Variants in DDX4 observed in about 807,000 individuals in gnomAD.
The protein encoded by DDX4 is DEAD-box helicase 4.
DDX4 carries 25 observed loss-of-function variants against 100.0 expected under a neutral mutation model. That is an observed-to-expected ratio of 0.25 (90% CI 0.18 to 0.35). The LOEUF is 0.35. DDX4 is among the 10% of genes least tolerant of loss of function. The pLI is 1.00. For missense variants in DDX4, 635 were observed against 882.4 expected (o/e 0.72, Z 3.55); for synonymous variants, 259 against 275.7 (o/e 0.94, Z 0.60).
intron 7 of DDX4, among the ~76,000 whole-genome samples, chr5:55,770,683 G>A (rs1337256956): frequency 1.3e-5 from 2 of 152,174 alleles, no homozygotes; most frequent in East Asian, 1.9e-4. Context: ...GCCCTCCCTA[G>A]TGAAGGTAGG....
intron 8 of DDX4, 55 bp downstream of exon 8, chr5:55,780,120 T>A (rs1202099865): frequency 2.6e-5 from 42 of 1,588,510 alleles, no homozygotes; most frequent in Non-Finnish European, 3.5e-5. Flanking sequence ...AAGAAAATGA[T>A]TTAAAAAAAT....
chr5:55,793,212 T>C (rs567003342), intron 17 of DDX4, among the ~76,000 whole-genome samples: 2 of 152,314 alleles, frequency 1.3e-5, no homozygotes, highest in East Asian at 1.9e-4. Context: ...ATACCAATTA[T>C]TGGCAGATAT....
At chr5:55,744,983 C>T (rs1312711044) in intron 2 of DDX4, among the ~76,000 whole-genome samples, 1 of 152,090 alleles carries the variant, frequency 6.6e-6, no homozygotes, top group Non-Finnish European at 1.5e-5. Flanking sequence ...TGGGTTCAAG[C>T]GATTCTTCTG....
chr5:55,791,530 C>G (rs1015539213), intron 16 of DDX4, among the ~76,000 whole-genome samples: 1 of 151,982 alleles, frequency 6.6e-6, no homozygotes, highest in Non-Finnish European at 1.5e-5. Flanking sequence ...TGATTGTTCC[C>G]GAGTGATTAG....
At chr5:55,788,137 T>G in intron 15 of DDX4, 137 bp downstream of exon 15, 1 of 780,704 alleles carries the variant, frequency 1.3e-6, no homozygotes, top group Non-Finnish European at 1.9e-6. Flanking sequence ...TTATCTTGTT[T>G]ATGGAATCCT....
chr5:55,813,460 A>G (rs544576594), intron 18 of DDX4, among the ~76,000 whole-genome samples: 1 of 152,242 alleles, frequency 6.6e-6, no homozygotes, highest in East Asian at 1.9e-4. Context: ...AGAGAAGCTA[A>G]TTTTTTAAAT....
intron 10 of DDX4, among the ~76,000 whole-genome samples, chr5:55,782,786 G>T (rs1260473800): frequency 6.7e-6 from 1 of 149,798 alleles, no homozygotes; most frequent in East Asian, 2.0e-4. Flanking sequence ...TACTCTTAAA[G>T]TTTTTTCTTT....
chr5:55,780,811 G>A (rs1741866032), intron 8 of DDX4, among the ~76,000 whole-genome samples: 1 of 152,180 alleles, frequency 6.6e-6, no homozygotes, highest in African/African-American at 2.4e-5. Context: ...AATACATTTT[G>A]AGGAAGTAAT....
At chr5:55,813,313 GCAAAAAA>G (rs1171823857) in intron 18 of DDX4, among the ~76,000 whole-genome samples, 1 of 152,122 alleles carries the variant, frequency 6.6e-6, no homozygotes, top group Non-Finnish European at 1.5e-5. Flanking sequence ...GAGGTAGACA[GCAAAAAA>G]CATTTATAGA....
intron 6 of DDX4, chr5:55,767,030 GTTAC>G: frequency 1.4e-6 from 2 of 1,479,766 alleles, no homozygotes; most frequent in Non-Finnish European, 1.8e-6. Context: ...CTCTGGGAAT[GTTAC>G]TTACTAATAT....
chr5:55,767,700 G>A (rs1296936286), intron 6 of DDX4, among the ~76,000 whole-genome samples, 181 bp from the exon 7 acceptor site: 2 of 152,114 alleles, frequency 1.3e-5, no homozygotes, highest in Non-Finnish European at 2.9e-5. Context: ...TTTGTATAGG[G>A]AATCGACTCT....
chr5:55,738,730 G>C (rs142176569), intron 1 of DDX4, among the ~76,000 whole-genome samples: 278 of 152,240 alleles, frequency 1.8e-3, no homozygotes, highest in African/African-American at 4.7e-3. Context: ...AGAATGACTA[G>C]GTAAGAGGTT....
At position 55,792,813 on chromosome 5, in the gene DDX4, GT is replaced by G. The variant is rs758118300; in HGVS notation, c.1469+13del. 1.9e-5 allele frequency: 26 copies of G among 1,380,958 alleles called. No individual in the cohort carries two copies. Among genetic ancestry groups the G allele is most frequent in the Non-Finnish European group, 2.3e-5 (24 of 1,061,114 alleles). The allele number at this position is 1,380,958 out of a possible 1,614,324, so 85.5% of individuals were successfully genotyped here. On this transcript the variant is annotated splice_region_variant and intron_variant, in intron 17 of 21. Coordinates refer to ENST00000505374, the MANE Select transcript of DDX4 (RefSeq NM_024415.3). The stretch of plus-strand genomic sequence containing the variant: ...TTTCCAGAGGAAATTCAAAGGTTAA[GT>G]TTTTTTCTTAAAAATAATTTAATTA...
At chr5:55,757,962 T>C (rs1328739204) in intron 3 of DDX4, among the ~76,000 whole-genome samples, 2 of 152,176 alleles carry the variant, frequency 1.3e-5, no homozygotes, top group Non-Finnish European at 2.9e-5. Flanking sequence ...GGAGAATTGC[T>C]TGAACCTGGG....
At chr5:55,788,163 G>A (rs145438907) in intron 15 of DDX4, among the ~76,000 whole-genome samples, 163 bp downstream of exon 15, 100 of 152,120 alleles carry the variant, frequency 6.6e-4, no homozygotes, top group African/African-American at 2.3e-3. Context: ...TTTTTGAAAA[G>A]AAATATGCTT....
intron 18 of DDX4, among the ~76,000 whole-genome samples, chr5:55,811,722 G>GA (rs1279070983): frequency 6.6e-6 from 1 of 152,152 alleles, no homozygotes; most frequent in Non-Finnish European, 1.5e-5. Context: ...AGGGAGATGG[G>GA]AAACTGGGAG....
intron 7 of DDX4, among the ~76,000 whole-genome samples, chr5:55,774,515 A>G (rs72761928): frequency 0.064 from 9,729 of 152,186 alleles, 453 homozygotes; most frequent in African/African-American, 0.13. Flanking sequence ...CCTTTGAAAC[A>G]CTAAAATTTA....
At chr5:55,804,506 G>T (rs1033859626) in intron 18 of DDX4, among the ~76,000 whole-genome samples, 9 of 152,188 alleles carry the variant, frequency 5.9e-5, no homozygotes, top group Non-Finnish European at 1.3e-4. Flanking sequence ...TGTATAAGGT[G>T]TAAAGAAGGG....
chr5:55,746,184 T>C lies in DDX4; in HGVS notation c.90T>C (p.Asn30=). 1 of 1,612,528 alleles carries C rather than the reference T, an allele frequency of 6.2e-7. No homozygotes were observed. Among genetic ancestry groups the C allele is most frequent in the Non-Finnish European group, 8.5e-7 (1 of 1,179,538 alleles). Residue 30 remains asparagine (N), a synonymous_variant, in exon 3 of 22, where the codon AAT becomes AAC. Transcript: ENST00000505374. ...CACAGGATAGGTATTCTGGAGAAAATGGAGACAATTTTAACAGGACTCCAG... is the reference window on the plus strand; with the variant it reads ...CACAGGATAGGTATTCTGGAGAAAACGGAGACAATTTTAACAGGACTCCAG... The part of the protein sequence containing the change: ...IFEKDRYSGE[N]GDNFNRTPAS...
Sources: allele counts gnomAD v4.1 joint callset (sites outside exome capture counted in the v4.1 genomes callset), GRCh38; gene constraint gnomAD v4.1.1; transcripts MANE v1.5; gene names NCBI Gene and HGNC (gene_info 2026-07-23, HGNC 2026-07-21).